The following SLC23A2 variants were observed in gnomAD, a reference collection of about 807,000 sequenced individuals.
The protein encoded by SLC23A2 is solute carrier family 23 member 2.
SLC23A2 carries 36 observed loss-of-function variants against 73.3 expected under a neutral mutation model. The ratio of observed to expected loss-of-function variants is 0.49; its 90% CI spans 0.38 to 0.65. The LOEUF is 0.65. SLC23A2 is among the 30% of genes least tolerant of loss of function. SLC23A2 has a pLI of 0.00. For missense variants in SLC23A2, 507 were observed against 841.6 expected (o/e 0.60, Z 4.92); for synonymous variants, 343 against 327.3 (o/e 1.05, Z -0.52).
chr20:4,867,057 TA>T (rs71197732), intron 13 of SLC23A2, among the ~76,000 whole-genome samples: 52 of 76,476 alleles, frequency 6.8e-4, no homozygotes, highest in African/African-American at 1.0e-3. Flanking sequence ...AAGCGATCCC[TA>T]AAAAAAAAAA....
chr20:4,952,128 A>C lies in SLC23A2; in HGVS notation c.-155+18665T>G, dbSNP rs565210581. ...CAAAAAAAAAAAAAAAAAAAAAAAA[A>C]GAACAAATGGAGCAGACTTCAATAA... On this transcript the variant is annotated intron_variant, in intron 2 of 16. Coordinates refer to ENST00000338244, the MANE Select transcript of SLC23A2 (RefSeq NM_005116.6). Among the ~76,000 whole-genome samples the C allele has an allele frequency of 2.7e-5, 4 of 150,058 alleles. No homozygotes were observed. The South Asian group carries it at 8.4e-4, about 31-fold the overall frequency.
chr20:4,880,007 T>C (rs1375124396), intron 9 of SLC23A2, among the ~76,000 whole-genome samples: 1 of 152,246 alleles, frequency 6.6e-6, no homozygotes, highest in Non-Finnish European at 1.5e-5. Flanking sequence ...TGCTGAACTT[T>C]AGCACGCTAC....
intron 3 of SLC23A2, among the ~76,000 whole-genome samples, chr20:4,930,786 T>A (rs1161971997): frequency 6.6e-6 from 1 of 151,774 alleles, no homozygotes; most frequent in African/African-American, 2.4e-5. Context: ...GCCACTGCAC[T>A]CCAGCATGGG....
chr20:4,857,223 T>C lies in SLC23A2; in HGVS notation c.1721-19A>G, dbSNP rs1269343431. On this transcript the variant is annotated intron_variant, in intron 16 of 16. Coordinates refer to ENST00000338244, the MANE Select transcript of SLC23A2 (RefSeq NM_005116.6). The surrounding 1 kb of genome is among the most constrained non-coding windows in gnomAD (Gnocchi z 4.0). ...GGAGTGCCTGTCACACATCCCAAGA[T>C]AGAACAAAGGAATGCTTCGTTTAGC... The C allele has an allele frequency of 2.7e-6, 4 of 1,478,394 alleles. No homozygotes were observed. The highest frequency in any genetic ancestry group is 1.9e-5 in the Admixed American group (1 of 53,978). The allele number at this position is 1,478,394 out of a possible 1,614,324, so 91.6% of individuals were successfully genotyped here. A position where few individuals can be genotyped will look rare whatever the true frequency, so the allele number is the denominator to read the frequency against.
chr20:4,889,259 CAG>C (rs1931226935), intron 6 of SLC23A2, among the ~76,000 whole-genome samples: 1 of 151,964 alleles, frequency 6.6e-6, no homozygotes, highest in African/African-American at 2.4e-5. Context: ...GTATTCCGGG[CAG>C]AGAGAGGGGA....
At chr20:4,952,215 G>A (rs1443680207) in intron 2 of SLC23A2, among the ~76,000 whole-genome samples, 1 of 151,874 alleles carries the variant, frequency 6.6e-6, no homozygotes, top group Admixed American at 6.6e-5. Context: ...TGAGTAAAGG[G>A]ACTAAAAGGG....
intron 3 of SLC23A2, among the ~76,000 whole-genome samples, chr20:4,930,570 G>A (rs766284742): frequency 4.9e-4 from 74 of 152,268 alleles, no homozygotes; most frequent in Middle Eastern, 3.4e-3. Context: ...TGTAATCCCA[G>A]CATTTTGGGA....
intron 3 of SLC23A2, among the ~76,000 whole-genome samples, chr20:4,925,578 G>T (rs1218036890): frequency 6.6e-6 from 1 of 152,080 alleles, no homozygotes; most frequent in Non-Finnish European, 1.5e-5. Context: ...CTCACACCTG[G>T]ACTGCGTAAG....
At position 4,899,410 on chromosome 20, in the gene SLC23A2, G is replaced by A. The variant is rs904778761; in HGVS notation, c.482+145C>T. On this transcript the variant is annotated intron_variant, in intron 6 of 16. Transcript: ENST00000338244. The surrounding 1 kb of genome is among the most constrained non-coding windows in gnomAD (Gnocchi z 4.9). The stretch of plus-strand genomic sequence containing the variant: ...GGAAATGACTGGGAGGAACACTGAG[G>A]GGTGGGGACCAACGGCCACTAGGAC... The A allele has an allele frequency of 3.8e-5, 32 of 841,650 alleles. 1 individual carries two copies. Among genetic ancestry groups the A allele is most frequent in the Non-Finnish European group, 6.0e-5 (31 of 513,818 alleles). 52.1% of individuals were successfully genotyped at this position (841,650 alleles called of 1,614,324 possible).
At chr20:4,924,449 G>A (rs1288634570) in intron 3 of SLC23A2, among the ~76,000 whole-genome samples, 2 of 152,204 alleles carry the variant, frequency 1.3e-5, no homozygotes, top group African/African-American at 4.8e-5. Context: ...CACATGGCAA[G>A]CACCCAGGAT....
intron 9 of SLC23A2, among the ~76,000 whole-genome samples, chr20:4,881,995 C>T (rs765015309): frequency 5.9e-5 from 9 of 152,016 alleles, no homozygotes; most frequent in African/African-American, 7.3e-5. Context: ...AATTACATTT[C>T]GCTGAAAGAC....
chr20:4,999,318 C>T (rs2088077579), intron 1 of SLC23A2, among the ~76,000 whole-genome samples: 1 of 152,104 alleles, frequency 6.6e-6, no homozygotes, highest in African/African-American at 2.4e-5. Flanking sequence ...ACGATCTGTT[C>T]AACAGAACCT....
chr20:4,944,346 T>A (rs1463738919), intron 2 of SLC23A2, among the ~76,000 whole-genome samples: 1 of 152,054 alleles, frequency 6.6e-6, no homozygotes, highest in Non-Finnish European at 1.5e-5. Context: ...TTCAAACAAC[T>A]CTCTGCCTCA....
At chr20:4,981,681 C>T (rs1484579668) in intron 1 of SLC23A2, among the ~76,000 whole-genome samples, 1 of 151,576 alleles carries the variant, frequency 6.6e-6, no homozygotes, top group Non-Finnish European at 1.5e-5. Flanking sequence ...TCCCTCCCTC[C>T]CTTTCTTTCT....
intron 2 of SLC23A2, among the ~76,000 whole-genome samples, chr20:4,944,922 C>T (rs2087095300): frequency 6.7e-6 from 1 of 150,242 alleles, no homozygotes; most frequent in South Asian, 2.1e-4. Flanking sequence ...TAATTCAAGT[C>T]AGAAAAGACT....
rs1426154764 is a variant in SLC23A2, at chr20:4,998,803, A to AT, written c.-282+2602dup. 8.0e-6 allele frequency among the ~76,000 whole-genome samples: 1 copy of AT among 125,070 alleles called. No individual in the cohort carries two copies. The highest frequency in any genetic ancestry group is 1.7e-5 in the Non-Finnish European group (1 of 58,350). 82.1% of individuals were successfully genotyped at this position (125,070 alleles called of 152,430 possible). A position where few individuals can be genotyped will look rare whatever the true frequency, so the allele number is the denominator to read the frequency against. On this transcript the variant is annotated intron_variant, in intron 1 of 16. Coordinates refer to ENST00000338244, the MANE Select transcript of SLC23A2 (RefSeq NM_005116.6). The surrounding 1 kb of genome is among the most constrained non-coding windows in gnomAD (Gnocchi z 4.1). ...ATATAATTTCAAATCATTACTGTTGATCTTTTTTTTTTTTTTTTTAGGAGA... is the reference window on the plus strand; with the variant it reads ...ATATAATTTCAAATCATTACTGTTGATTCTTTTTTTTTTTTTTTTTAGGAGA...
chr20:4,986,689 C>CACACACAGAG (rs71197739), intron 1 of SLC23A2, among the ~76,000 whole-genome samples: 6,514 of 128,790 alleles, frequency 0.051, 145 homozygotes, highest in East Asian at 0.085. Flanking sequence ...CACACACACA[C>CACACACAGAG]AGAGATGAAT....
upstream of SLC23A2, among the ~76,000 whole-genome samples, chr20:5,002,391 A>G (rs996379809): frequency 2.4e-4 from 37 of 152,132 alleles, no homozygotes; most frequent in African/African-American, 8.9e-4. Context: ...TCTGAATACA[A>G]TTTTTTAAAT....
intron 6 of SLC23A2, among the ~76,000 whole-genome samples, chr20:4,889,979 T>C (rs1451721601): frequency 6.6e-6 from 1 of 152,190 alleles, no homozygotes; most frequent in African/African-American, 2.4e-5. Context: ...TTCAACCAGA[T>C]AAGCCTCCAG....
Sources: gnomAD v4.1 joint callset for allele counts (sites outside exome capture counted in the v4.1 genomes callset) on GRCh38, gnomAD v4.1.1 for gene constraint, Gnocchi (gnomAD v3.1) non-coding constraint, MANE v1.5 for transcripts, NCBI Gene and HGNC (gene_info 2026-07-23, HGNC 2026-07-21) for gene names.